The following HS6ST3 variants were observed in gnomAD, a reference collection of about 807,000 sequenced individuals.
HS6ST3 encodes heparan-sulfate 6-O-sulfotransferase 3.
A neutral mutation model predicts 36.7 loss-of-function variants in HS6ST3; 12 were observed. The observed-to-expected ratio is 0.33, with a 90% CI of 0.21 to 0.53. The LOEUF (loss-of-function observed/expected upper bound fraction) is 0.53, where lower values mean the gene tolerates loss of function less well. HS6ST3 is among the 20% of genes least tolerant of loss of function. HS6ST3 has a pLI of 0.95. For missense variants in HS6ST3, 584 were observed against 640.9 expected (o/e 0.91, Z 0.96); for synonymous variants, 240 against 257.5 (o/e 0.93, Z 0.65).
At chr13:96,179,783 C>T (rs184304447) in intron 1 of HS6ST3, among the ~76,000 whole-genome samples, 63 of 123,846 alleles carry the variant, frequency 5.1e-4, no homozygotes, top group Non-Finnish European at 1.4e-4. Context: ...TTTTTTCCCA[C>T]CTTTCATATC....
intron 1 of HS6ST3, among the ~76,000 whole-genome samples, chr13:96,798,751 T>C (rs557053803): frequency 6.6e-6 from 1 of 152,236 alleles, no homozygotes; most frequent in Admixed American, 6.5e-5. Flanking sequence ...CATGTGTGTG[T>C]AATCTGCTAG....
At chr13:96,767,944 A>G (rs1877157487) in intron 1 of HS6ST3, among the ~76,000 whole-genome samples, 1 of 152,216 alleles carries the variant, frequency 6.6e-6, no homozygotes, top group Non-Finnish European at 1.5e-5. Flanking sequence ...TATTACAATC[A>G]GGTAACTTCC....
chr13:96,837,518 C>A lies in HS6ST3; in HGVS notation c.*4320C>A, dbSNP rs1878956691. 1 of 152,210 alleles carries A rather than the reference C, an allele frequency of 6.6e-6. No homozygotes were observed. Among genetic ancestry groups the A allele is most frequent in the Non-Finnish European group, 1.5e-5 (1 of 68,042 alleles). 9.4% of individuals were successfully genotyped at this position (152,210 alleles called of 1,614,324 possible). A position where few individuals can be genotyped will look rare whatever the true frequency, so the allele number is the denominator to read the frequency against. ...TACTTTATGCAGCTCAGCATCAGTA[C>A]TGGGATTGGGAACTGCAAGAATATG... On this transcript the variant is annotated 3_prime_UTR_variant, in exon 2 of 2. Transcript: ENST00000376705.
chr13:96,471,217 C>G (rs1268730003), intron 1 of HS6ST3, among the ~76,000 whole-genome samples: 1 of 152,170 alleles, frequency 6.6e-6, no homozygotes, highest in African/African-American at 2.4e-5. Flanking sequence ...CTGTAGGAAC[C>G]AAGACATTTA....
intron 1 of HS6ST3, among the ~76,000 whole-genome samples, chr13:96,166,555 TTTTC>T (rs202025774): frequency 9.9e-4 from 150 of 151,130 alleles, no homozygotes; most frequent in African/African-American, 2.1e-3. Flanking sequence ...TCTTTTTTGC[TTTTC>T]TTTCTTTCTT....
At chr13:96,756,050 T>G (rs1459258328) in intron 1 of HS6ST3, among the ~76,000 whole-genome samples, 1 of 152,224 alleles carries the variant, frequency 6.6e-6, no homozygotes, top group East Asian at 1.9e-4. Context: ...ACTTTAGTTT[T>G]AGCTTACACT....
At position 96,793,356 on chromosome 13, in the gene HS6ST3, A is replaced by G. The variant is rs1384530682; in HGVS notation, c.708-39134A>G. On this transcript the variant is annotated intron_variant, in intron 1 of 1. Transcript: ENST00000376705. ...CCTCACCATTCCAGCATCCATTACC[A>G]TTGCTTCCTGGAAACCCCCGGGTAC... is the stretch of plus-strand genomic sequence containing the variant. Among the ~76,000 whole-genome samples the G allele has an allele frequency of 3.3e-5, 5 of 152,002 alleles. No individual in the cohort carries two copies. The South Asian group carries it at 1.0e-3, about 31-fold the overall frequency.
At chr13:96,138,942 GTTTAT>G (rs1566891499) in intron 1 of HS6ST3, among the ~76,000 whole-genome samples, 1 of 151,832 alleles carries the variant, frequency 6.6e-6, no homozygotes, top group Admixed American at 6.6e-5. Flanking sequence ...ATTATGGGTG[GTTTAT>G]TTAATTTATA....
chr13:96,097,098 T>G (rs1477639196), intron 1 of HS6ST3, among the ~76,000 whole-genome samples: 1 of 152,154 alleles, frequency 6.6e-6, no homozygotes, highest in East Asian at 1.9e-4. Flanking sequence ...ACCCTGTCAG[T>G]TTTTTGAGTA....
chr13:96,377,445 C>T (rs963642830), intron 1 of HS6ST3, among the ~76,000 whole-genome samples: 2 of 151,966 alleles, frequency 1.3e-5, no homozygotes, highest in African/African-American at 2.4e-5. Flanking sequence ...ATTTTAAAAG[C>T]GAAAATACAC....
At chr13:96,248,392 C>T (rs368513893) in intron 1 of HS6ST3, among the ~76,000 whole-genome samples, 1 of 152,148 alleles carries the variant, frequency 6.6e-6, no homozygotes, top group Non-Finnish European at 1.5e-5. Flanking sequence ...GGGAGCACTT[C>T]TAACTAGTGT....
chr13:96,237,121 A>G (rs756601412), intron 1 of HS6ST3, among the ~76,000 whole-genome samples: 1 of 152,108 alleles, frequency 6.6e-6, no homozygotes, highest in Non-Finnish European at 1.5e-5. Context: ...CCATGATTCA[A>G]TTTACCTCTC....
intron 1 of HS6ST3, among the ~76,000 whole-genome samples, chr13:96,171,397 T>C (rs2054187105): frequency 6.6e-6 from 1 of 152,160 alleles, no homozygotes; most frequent in African/African-American, 2.4e-5. Context: ...GGGCTGTACT[T>C]ACGGAATGGA....
intron 1 of HS6ST3, among the ~76,000 whole-genome samples, chr13:96,547,204 C>T (rs1022974270): frequency 9.9e-5 from 15 of 152,242 alleles, no homozygotes; most frequent in African/African-American, 3.6e-4. Context: ...AAGAAATGAA[C>T]TCTGGAAAGA....
intron 1 of HS6ST3, among the ~76,000 whole-genome samples, chr13:96,518,396 A>G (rs1293556563): frequency 6.6e-6 from 1 of 152,184 alleles, no homozygotes; most frequent in South Asian, 2.1e-4. Flanking sequence ...CAACTAAAAG[A>G]AGTATGTTTA....
chr13:96,352,214 AAAC>A (rs2055187337), intron 1 of HS6ST3, among the ~76,000 whole-genome samples: 1 of 152,234 alleles, frequency 6.6e-6, no homozygotes, highest in African/African-American at 2.4e-5. Flanking sequence ...CGATGACTTA[AAAC>A]AACAATTTAT....
At chr13:96,763,509 T>A (rs908243363) in intron 1 of HS6ST3, among the ~76,000 whole-genome samples, 5 of 150,340 alleles carry the variant, frequency 3.3e-5, no homozygotes, top group Non-Finnish European at 5.9e-5. Flanking sequence ...TTATATAATA[T>A]ATATTTGTGT....
chr13:96,124,625 A>T (rs987693483), intron 1 of HS6ST3, among the ~76,000 whole-genome samples: 4 of 152,142 alleles, frequency 2.6e-5, no homozygotes, highest in Admixed American at 2.0e-4. Flanking sequence ...TTGGATTTCT[A>T]CTTTTGAGCC....
chr13:96,464,043 T>TTTA (rs1491265305), intron 1 of HS6ST3, among the ~76,000 whole-genome samples: 1 of 100,164 alleles, frequency 1.0e-5, no homozygotes, highest in African/African-American at 3.9e-5. Flanking sequence ...TTTTTTTTTT[T>TTTA]AAATAAACAC....
Sources: allele counts gnomAD v4.1 joint callset (sites outside exome capture counted in the v4.1 genomes callset), GRCh38; gene constraint gnomAD v4.1.1; transcripts MANE v1.5; gene names NCBI Gene and HGNC (gene_info 2026-07-23, HGNC 2026-07-21).